The following WWP2 variants were observed in gnomAD, a reference collection of about 807,000 sequenced individuals.
WWP2 encodes the protein WW domain containing E3 ubiquitin protein ligase 2, also known as NEDD4-like E3 ubiquitin-protein ligase WWP2.
A neutral mutation model predicts 121.0 loss-of-function variants in WWP2; 57 were observed. The ratio of observed to expected loss-of-function variants is 0.47; its 90% CI spans 0.38 to 0.59. The LOEUF (loss-of-function observed/expected upper bound fraction) is 0.59. WWP2 is among the 20% of genes least tolerant of loss of function. The probability of loss-of-function intolerance (pLI) is 0.00; values close to 1 mark genes in which losing one functional copy is unlikely to be tolerated. For missense variants in WWP2, 962 were observed against 1,158.9 expected, an observed-to-expected ratio of 0.83 and a Z score of 2.47; for synonymous variants, 449 against 441.3, an observed-to-expected ratio of 1.02 and a Z score of -0.22.
intron 10 of WWP2, among the ~76,000 whole-genome samples, chr16:69,919,641 CTT>C (rs2058529101): frequency 1.3e-5 from 2 of 152,172 alleles, no homozygotes; most frequent in South Asian, 4.1e-4. Context: ...TGCAAAGCCT[CTT>C]TGGTAGGGAG....
chr16:69,871,442 T>C (rs1195675888), intron 6 of WWP2, among the ~76,000 whole-genome samples: 1 of 152,244 alleles, frequency 6.6e-6, no homozygotes, highest in African/African-American at 2.4e-5. Flanking sequence ...GGGGGAAATA[T>C]TTCATCTGAG....
At chr16:69,896,911 CAGATA>C (rs1555501120) in intron 8 of WWP2, among the ~76,000 whole-genome samples, 1 of 152,118 alleles carries the variant, frequency 6.6e-6, no homozygotes, top group Non-Finnish European at 1.5e-5. Flanking sequence ...ACCACATATA[CAGATA>C]CACGTATAAC....
At chr16:69,885,072 C>G (rs1597107703) in intron 7 of WWP2, among the ~76,000 whole-genome samples, 1 of 151,168 alleles carries the variant, frequency 6.6e-6, no homozygotes, top group African/African-American at 2.4e-5. Flanking sequence ...TCCCCCTACA[C>G]ACACACACCA....
At chr16:69,863,685 C>T (rs1353253823) in intron 6 of WWP2, among the ~76,000 whole-genome samples, 1 of 152,244 alleles carries the variant, frequency 6.6e-6, no homozygotes, top group South Asian at 2.1e-4. Context: ...CAGAAAGTTT[C>T]ATCACCCCAG....
rs1302538385 is a variant in WWP2 at position 69,937,935 on chromosome 16, C to A, written c.2343+283C>A. On this transcript the variant is annotated intron_variant, in intron 21 of 23. Transcript: ENST00000359154. This position sits in a 1 kb window ranked among gnomAD's most constrained non-coding sequence, Gnocchi z 6.6. Reference sequence around the variant, plus strand: ...CAGCAGCTGCCACTGGTTGAGAGGTCCCCTGCCAGCCAGATGGGACAGGAA... The same window carrying A: ...CAGCAGCTGCCACTGGTTGAGAGGTACCCTGCCAGCCAGATGGGACAGGAA... Among the ~76,000 whole-genome samples the A allele has an allele frequency of 6.6e-6, 1 of 152,174 alleles. No individual in the cohort carries two copies. Among genetic ancestry groups the A allele is most frequent in the Non-Finnish European group, 1.5e-5 (1 of 68,030 alleles).
chr16:69,887,722 A>G (rs1236423610), intron 7 of WWP2, among the ~76,000 whole-genome samples: 1 of 152,088 alleles, frequency 6.6e-6, no homozygotes, highest in Non-Finnish European at 1.5e-5. Context: ...CATTCCTGTT[A>G]TGTTGATCTT....
chr16:69,864,340 T>C (rs1180324191), intron 6 of WWP2, among the ~76,000 whole-genome samples: 1 of 151,746 alleles, frequency 6.6e-6, no homozygotes, highest in African/African-American at 2.4e-5. Context: ...CCAGCCTGGG[T>C]GACAGAGTGA....
chr16:69,791,480 G>A (rs1355967099), intron 2 of WWP2, among the ~76,000 whole-genome samples: 2 of 151,992 alleles, frequency 1.3e-5, no homozygotes, highest in African/African-American at 4.8e-5. Flanking sequence ...CACCCACCTC[G>A]GCCTGCCAAA....
At chr16:69,790,287 G>A (rs986892798) in intron 2 of WWP2, among the ~76,000 whole-genome samples, 1 of 152,032 alleles carries the variant, frequency 6.6e-6, no homozygotes, top group Non-Finnish European at 1.5e-5. Flanking sequence ...TGATTAACAC[G>A]TATTTTGTAT....
intron 1 of WWP2, among the ~76,000 whole-genome samples, chr16:69,776,026 C>G (rs1207271573): frequency 6.6e-6 from 1 of 152,146 alleles, no homozygotes; most frequent in African/African-American, 2.4e-5. Context: ...GTATGCCTTT[C>G]AGCCCTAATT....
intron 3 of WWP2, 147 bp downstream of exon 3, chr16:69,798,976 T>A: frequency 1.5e-6 from 2 of 1,354,450 alleles, no homozygotes; most frequent in Non-Finnish European, 1.0e-6. Context: ...TAGGTGTTCC[T>A]ACACCATTGA....
At chr16:69,910,803 G>A (rs2058368683) in intron 9 of WWP2, among the ~76,000 whole-genome samples, 2 of 152,284 alleles carry the variant, frequency 1.3e-5, no homozygotes, top group South Asian at 4.2e-4. Flanking sequence ...ATATTCAGTG[G>A]TACCTTCTAA....
chr16:69,817,611 C>T (rs1255446745), intron 4 of WWP2, among the ~76,000 whole-genome samples: 1 of 150,220 alleles, frequency 6.7e-6, no homozygotes, highest in Non-Finnish European at 1.5e-5. Flanking sequence ...TCATTCTTGG[C>T]CCTTTCTATT....
At chr16:69,934,905 G>A (rs919730280) in intron 17 of WWP2, among the ~76,000 whole-genome samples, 2 of 152,170 alleles carry the variant, frequency 1.3e-5, no homozygotes, top group East Asian at 1.9e-4. Flanking sequence ...TGCCGTTCAC[G>A]CCACGCTGCC....
intron 8 of WWP2, 126 bp from the exon 9 acceptor site, chr16:69,908,635 G>C: frequency 1.3e-6 from 2 of 1,514,594 alleles, no homozygotes; most frequent in Non-Finnish European, 1.8e-6. Context: ...CCATTGGGTC[G>C]GCCTCGCATG....
chr16:69,931,469 TG>T (rs1400748437), intron 14 of WWP2, 39 bp from the exon 15 acceptor site: 1 of 1,612,108 alleles, frequency 6.2e-7, no homozygotes. Flanking sequence ...GATGACCACT[TG>T]AGGCTCGATT....
In WWP2 at chr16:69,795,948, T is replaced by G. The variant is rs564762164; in HGVS notation, c.71-2734T>G. On this transcript the variant is annotated intron_variant, in intron 2 of 23. Transcript: ENST00000359154. ...CAGGCGTGAGCCACCATGCCCTGCT[T>G]CAAAATAAGAGTACTAAATGCCAGT... 1.9e-3 allele frequency among the ~76,000 whole-genome samples: 281 copies of G among 151,666 alleles called. 1 individual carries two copies. The highest frequency in any genetic ancestry group is 6.8e-3 in the Middle Eastern group (2 of 292).
At chr16:69,812,477 C>CCCCCTT (rs1567679792) in intron 4 of WWP2, among the ~76,000 whole-genome samples, 1 of 119,902 alleles carries the variant, frequency 8.3e-6, no homozygotes, top group Non-Finnish European at 1.7e-5. Context: ...AACCCCCCCC[C>CCCCCTT]TTTTTTTTTT....
intron 6 of WWP2, among the ~76,000 whole-genome samples, chr16:69,850,336 G>A (rs974873203): frequency 1.2e-4 from 17 of 145,196 alleles, no homozygotes; most frequent in Admixed American, 1.4e-4. Flanking sequence ...GCAGTGAGCC[G>A]AGATCACACC....
Sources: allele counts gnomAD v4.1 joint callset (sites outside exome capture counted in the v4.1 genomes callset), GRCh38; gene constraint gnomAD v4.1.1; non-coding constraint Gnocchi (gnomAD v3.1); transcripts MANE v1.5; gene names NCBI Gene and HGNC (gene_info 2026-07-23, HGNC 2026-07-21).